The following CLVS1 variants were observed in gnomAD, a reference collection of about 807,000 sequenced individuals.
CLVS1 encodes clavesin-1.
Under a neutral mutation model 33.1 loss-of-function variants are expected in CLVS1, and 10 were observed. The ratio of observed to expected loss-of-function variants is 0.30; its 90% confidence interval spans 0.19 to 0.51. The LOEUF is 0.51. Ranked by LOEUF, CLVS1 falls within the 20% of genes least tolerant of loss-of-function variation. The pLI is 0.97. For synonymous variants in CLVS1, 163 were observed against 166.1 expected (o/e 0.98, Z 0.14); for missense variants, 343 against 433.4 (o/e 0.79, Z 1.85).
At chr8:60,966,340 C>G in the CLVS1 span, 1 of 455,136 alleles carries the variant, frequency 2.2e-6, no homozygotes, top group Admixed American at 2.4e-5. Context: ...TTGTCTTCTC[C>G]TTTTCACGGA....
At chr8:61,093,630 G>A (rs1166655590) in intron 1 of CLVS1, among the ~76,000 whole-genome samples, 3 of 152,188 alleles carry the variant, frequency 2.0e-5, no homozygotes, top group Non-Finnish European at 4.4e-5. Flanking sequence ...TTAAAAGCAA[G>A]CACTAGTGAA....
intron 2 of CLVS1, among the ~76,000 whole-genome samples, chr8:61,336,564 T>C (rs879778239): frequency 3.9e-5 from 6 of 151,958 alleles, no homozygotes; most frequent in Admixed American, 3.3e-4. Flanking sequence ...GCACCTCTTA[T>C]GGGATCCACA....
chr8:61,204,379 T>G (rs552586391), intron 2 of CLVS1, among the ~76,000 whole-genome samples: 1 of 152,202 alleles, frequency 6.6e-6, no homozygotes, highest in African/African-American at 2.4e-5. Flanking sequence ...ATTGATGGGG[T>G]TTCAGGAAGC....
chr8:61,339,162 T>TCCA, intron 2 of CLVS1, among the ~76,000 whole-genome samples: 1 of 152,058 alleles, frequency 6.6e-6, no homozygotes, highest in Non-Finnish European at 1.5e-5. Flanking sequence ...CATGAGCTGC[T>TCCA]ATTGTGGGGG....
At chr8:61,434,179 G>T (rs1299395405) in intron 3 of CLVS1, among the ~76,000 whole-genome samples, 1 of 152,124 alleles carries the variant, frequency 6.6e-6, no homozygotes, top group Non-Finnish European at 1.5e-5. Flanking sequence ...TTTTCATCAA[G>T]GTCCCCAGAC....
rs1050364903 is a variant in CLVS1, at chr8:61,499,695, C to T, written c.*153C>T. Reference sequence around the variant, plus strand: ...CCCTGCAGTGACTGTCACCAGCCATCGGTCTGAGCAGCCAAAGTTGGACAA... The same window carrying T: ...CCCTGCAGTGACTGTCACCAGCCATTGGTCTGAGCAGCCAAAGTTGGACAA... On this transcript the variant is annotated 3_prime_UTR_variant, in exon 6 of 6. Coordinates refer to ENST00000325897, the MANE Select transcript of CLVS1 (RefSeq NM_173519.3). 4.9e-5 allele frequency: 24 copies of T among 485,262 alleles called. No individual in the cohort carries two copies. The highest frequency in any genetic ancestry group is 2.6e-4 in the South Asian group (6 of 23,316). 30.1% of individuals were successfully genotyped at this position (485,262 alleles called of 1,614,324 possible).
rs186398393 is a variant in CLVS1, at chr8:61,405,402, G to A, written c.630+28623G>A. Among the ~76,000 whole-genome samples the A allele has an allele frequency of 3.5e-3, 537 of 152,292 alleles. 2 individuals carry two copies. The highest frequency in any genetic ancestry group is 0.012 in the African/African-American group (511 of 41,546). ...CAAGCCATTACACAAGGGCATTTCT[G>A]CAAGACAACAATCATACTTAGTGTA... is the stretch of plus-strand genomic sequence containing the variant. On this transcript the variant is annotated intron_variant, in intron 3 of 5. Transcript: ENST00000325897.
chr8:61,237,511 C>A (rs139853333), intron 2 of CLVS1, among the ~76,000 whole-genome samples: 4 of 152,148 alleles, frequency 2.6e-5, no homozygotes, highest in African/African-American at 7.2e-5. Flanking sequence ...AATCTTGAAG[C>A]CATTGAGCTG....
intron 2 of CLVS1, among the ~76,000 whole-genome samples, chr8:61,315,814 T>A (rs567929522): frequency 1.3e-5 from 2 of 152,152 alleles, no homozygotes; most frequent in African/African-American, 4.8e-5. Flanking sequence ...TGTGTCATGG[T>A]GGTTTGCTGC....
rs10653874 is a variant in CLVS1 at position 61,150,101 on chromosome 8, G to GGTGTGTGTGTGTGTGTGTGTGT, written c.-152+18247_-152+18268dup. Among the ~76,000 whole-genome samples the GGTGTGTGTGTGTGTGTGTGTGT allele has an allele frequency of 7.8e-3, 1,142 of 146,512 alleles. 16 individuals carry two copies. The highest frequency in any genetic ancestry group is 0.025 in the African/African-American group (997 of 39,252). On this transcript the variant is annotated intron_variant, in intron 2 of 2. Coordinates refer to the CLVS1 transcript ENST00000522621. ...TGTTTCAGTTTTCTCATTTGAGAAA[G>GGTGTGTGTGTGTGTGTGTGTGT]GTGTGTGTGTGTGTGTGTGTGTGTG...
chr8:61,251,472 A>T (rs904958853), intron 2 of CLVS1, among the ~76,000 whole-genome samples: 51 of 152,178 alleles, frequency 3.4e-4, no homozygotes, highest in African/African-American at 1.2e-3. Flanking sequence ...TGTTTGGAAT[A>T]GTTTCAGAAG....
intron 3 of CLVS1, among the ~76,000 whole-genome samples, chr8:61,416,901 TAG>T (rs1815460165): frequency 1.3e-5 from 2 of 152,164 alleles, no homozygotes; most frequent in Non-Finnish European, 2.9e-5. Context: ...GCCAGAATTC[TAG>T]AGAGTTTGAG....
chr8:61,124,256 T>TA (rs1299115103), intron 1 of CLVS1, among the ~76,000 whole-genome samples: 3 of 152,130 alleles, frequency 2.0e-5, no homozygotes, highest in African/African-American at 7.2e-5. Context: ...AAGCGAGGAA[T>TA]ATATATAACC....
At chr8:61,288,343 C>A in intron 1 of CLVS1, 2 of 448,854 alleles carry the variant, frequency 4.5e-6, no homozygotes, top group South Asian at 1.6e-5. Context: ...CCCGCTCAGC[C>A]TGCGCCCCCT....
intron 3 of CLVS1, among the ~76,000 whole-genome samples, chr8:61,401,630 G>A (rs934502670): frequency 4.6e-5 from 7 of 152,122 alleles, no homozygotes; most frequent in African/African-American, 1.7e-4. Context: ...TGGCCATACT[G>A]CCCAAGGCAA....
chr8:61,100,961 T>G (rs1314393394), intron 1 of CLVS1, among the ~76,000 whole-genome samples: 3 of 152,224 alleles, frequency 2.0e-5, no homozygotes, highest in African/African-American at 4.8e-5. Context: ...TACATTCTAT[T>G]TATCCATTTA....
At chr8:61,049,261 G>A in the CLVS1 span, among the ~76,000 whole-genome samples, 7 of 152,280 alleles carry the variant, frequency 4.6e-5, no homozygotes, top group East Asian at 5.8e-4. Context: ...CACATGGCCC[G>A]CCCACAAGAA....
the CLVS1 span, among the ~76,000 whole-genome samples, chr8:60,976,963 G>C: frequency 6.6e-6 from 1 of 152,226 alleles, no homozygotes; most frequent in Non-Finnish European, 1.5e-5. Flanking sequence ...CAGCTCCCGA[G>C]GGGATTTAAA....
intron 1 of CLVS1, among the ~76,000 whole-genome samples, chr8:61,122,998 G>A (rs1028110961): frequency 1.4e-5 from 2 of 144,194 alleles, no homozygotes; most frequent in Admixed American, 7.5e-5. Flanking sequence ...GGCCAGGCAC[G>A]GTGGCTCACA....
Sources: gnomAD v4.1 joint callset for allele counts (sites outside exome capture counted in the v4.1 genomes callset) on GRCh38, gnomAD v4.1.1 for gene constraint, MANE v1.5 for transcripts, NCBI Gene and HGNC (gene_info 2026-07-23, HGNC 2026-07-21) for gene names.